Variants in MAML3 observed in about 807,000 individuals in gnomAD.
The protein encoded by MAML3 is mastermind-like protein 3.
Under a neutral mutation model 101.9 loss-of-function variants are expected in MAML3, and 27 were observed. The ratio of observed to expected loss-of-function variants is 0.27; its 90% CI spans 0.20 to 0.37. MAML3 has a LOEUF of 0.37. Among genes scored for constraint, MAML3 ranks in the 10% least tolerant of loss-of-function variants. MAML3 has a pLI of 1.00. For missense variants in MAML3, 1,316 were observed against 1,444.9 expected (o/e 0.91, Z 1.45); for synonymous variants, 501 against 555.9 (o/e 0.90, Z 1.39).
intron 2 of MAML3, among the ~76,000 whole-genome samples, chr4:139,804,907 G>A (rs1362399418): frequency 1.3e-5 from 2 of 152,230 alleles, no homozygotes; most frequent in East Asian, 3.9e-4. Flanking sequence ...TGCTGGGCGC[G>A]ATGGCTCACA....
Position 140,149,942 on chromosome 4 carries a change from T to C in MAML3, c.468+2918A>G, listed in dbSNP as rs938314134. Among the ~76,000 whole-genome samples, 25 of 145,278 alleles carry C rather than the reference T, an allele frequency of 1.7e-4. No individual in the cohort carries two copies. In the East Asian group the frequency reaches 4.1e-3, roughly 24 times the overall value. ...AACTTGTAGAGCATGTTTCTTTCTT[T>C]TTTTTTTTTTTTTTTGGTACACAGA... On this transcript the variant is annotated intron_variant, in intron 1 of 4. Coordinates refer to ENST00000509479, the MANE Select transcript of MAML3 (RefSeq NM_018717.5).
At chr4:139,811,773 C>A (rs1730800699) in intron 2 of MAML3, among the ~76,000 whole-genome samples, 1 of 152,118 alleles carries the variant, frequency 6.6e-6, no homozygotes. Flanking sequence ...TGACAAAAGA[C>A]AGAATTTTCT....
intron 1 of MAML3, among the ~76,000 whole-genome samples, chr4:140,113,990 G>C (rs1452418278): frequency 1.3e-5 from 2 of 152,124 alleles, no homozygotes; most frequent in East Asian, 3.9e-4. Context: ...ACCATTCACT[G>C]AACTCATTTT....
At chr4:140,069,613 G>C (rs1307572165) in intron 1 of MAML3, among the ~76,000 whole-genome samples, 1 of 144,022 alleles carries the variant, frequency 6.9e-6, no homozygotes, top group East Asian at 2.1e-4. Context: ...AGAAGAAGAA[G>C]AAGAAAAAGA....
chr4:139,949,206 G>A (rs995054543), intron 1 of MAML3, among the ~76,000 whole-genome samples: 8 of 152,048 alleles, frequency 5.3e-5, no homozygotes, highest in African/African-American at 1.4e-4. Flanking sequence ...TCCTAGAGAT[G>A]GGGTTTCACC....
intron 1 of MAML3, among the ~76,000 whole-genome samples, chr4:140,131,330 G>A (rs1728789756): frequency 6.6e-6 from 1 of 152,200 alleles, no homozygotes; most frequent in East Asian, 1.9e-4. Context: ...GAAGTGACTT[G>A]CTCAAGGTCA....
At chr4:139,908,596 T>C (rs965941864) in intron 1 of MAML3, among the ~76,000 whole-genome samples, 3 of 152,222 alleles carry the variant, frequency 2.0e-5, no homozygotes, top group Non-Finnish European at 4.4e-5. Flanking sequence ...GGATGTTTAT[T>C]TACTAACAGC....
At position 139,719,861 on chromosome 4, in the gene MAML3, G is replaced by A. The variant is rs749295587; in HGVS notation, c.2879C>T (p.Ala960Val). 4.2e-5 allele frequency: 67 copies of A among 1,613,738 alleles called. No homozygotes were observed. The highest frequency in any genetic ancestry group is 5.5e-5 in the Non-Finnish European group (65 of 1,179,908). The change falls in exon 5 of 5, where the codon GCA (alanine) becomes GTA (valine). Residue 960 changes from alanine to valine, a missense_variant. Physicochemically the swap from Ala to Val is moderately conservative, Grantham distance 64 (BLOSUM62 0). Coordinates refer to ENST00000509479, the MANE Select transcript of MAML3 (RefSeq NM_018717.5). ...QSLMGTVQQG[A>V]QSWQQRSLQG... ...CAAGCTCCTCTGTTGCCAGCTTTGT[G>A]CTCCTTGCTGGACTGTTCCCATAAG...
chr4:139,960,908 G>A (rs1366076236), intron 1 of MAML3, among the ~76,000 whole-genome samples: 1 of 152,190 alleles, frequency 6.6e-6, no homozygotes, highest in Non-Finnish European at 1.5e-5. Flanking sequence ...TTTTCCTCAA[G>A]TCTCTGTCAA....
chr4:139,737,693 C>A (rs1189842733), intron 2 of MAML3, among the ~76,000 whole-genome samples: 1 of 152,160 alleles, frequency 6.6e-6, no homozygotes, highest in African/African-American at 2.4e-5. Flanking sequence ...TAAAACCTTA[C>A]AATTCCCTTT....
intron 1 of MAML3, among the ~76,000 whole-genome samples, chr4:139,952,530 G>A (rs1285049391): frequency 6.6e-6 from 1 of 152,050 alleles, no homozygotes; most frequent in Non-Finnish European, 1.5e-5. Flanking sequence ...TGTGCCAAGA[G>A]GAAAACAAAA....
intron 2 of MAML3, among the ~76,000 whole-genome samples, chr4:139,837,249 C>A (rs1394052843): frequency 1.3e-5 from 2 of 152,096 alleles, no homozygotes; most frequent in Non-Finnish European, 2.9e-5. Flanking sequence ...GTAATCCCAG[C>A]ACTTTGGGAG....
At chr4:139,885,767 CAAA>C (rs372757658) in intron 2 of MAML3, among the ~76,000 whole-genome samples, 52 of 131,650 alleles carry the variant, frequency 3.9e-4, no homozygotes, top group Non-Finnish European at 4.3e-4. Flanking sequence ...ACTAAACATA[CAAA>C]AAAAAAAAAA....
intron 1 of MAML3, among the ~76,000 whole-genome samples, chr4:139,999,479 G>A (rs891849161): frequency 2.0e-5 from 3 of 152,164 alleles, no homozygotes; most frequent in South Asian, 2.1e-4. Context: ...ATGCTTCCCC[G>A]ATTGTCGTAT....
At chr4:139,726,976 G>T (rs1042330706) in intron 3 of MAML3, among the ~76,000 whole-genome samples, 1 of 152,192 alleles carries the variant, frequency 6.6e-6, no homozygotes, top group Admixed American at 6.5e-5. Context: ...TGCAGCTGCT[G>T]AATATTCATT....
chr4:139,996,856 C>T (rs752693118), intron 1 of MAML3, among the ~76,000 whole-genome samples: 2 of 151,870 alleles, frequency 1.3e-5, no homozygotes, highest in African/African-American at 4.8e-5. Flanking sequence ...GTCACAAAAT[C>T]GAGACCATCC....
At chr4:140,145,959 C>T (rs1729056924) in intron 1 of MAML3, among the ~76,000 whole-genome samples, 2 of 143,384 alleles carry the variant, frequency 1.4e-5, no homozygotes, top group Admixed American at 1.5e-4. Flanking sequence ...CTGCAACCTC[C>T]ACCTCCCAGG....
intron 1 of MAML3, among the ~76,000 whole-genome samples, chr4:139,928,130 C>G (rs1255583284): frequency 1.3e-5 from 2 of 152,186 alleles, no homozygotes; most frequent in Non-Finnish European, 2.9e-5. Context: ...TGATTCCAAT[C>G]CAACATCACA....
chr4:139,746,574 GGGCT>G (rs1222642082), intron 2 of MAML3, among the ~76,000 whole-genome samples: 1 of 152,070 alleles, frequency 6.6e-6, no homozygotes, highest in Non-Finnish European at 1.5e-5. Flanking sequence ...TCCCAGGGAG[GGGCT>G]GCAAATCTCC....
Sources: gnomAD v4.1 joint callset for allele counts (sites outside exome capture counted in the v4.1 genomes callset) on GRCh38, gnomAD v4.1.1 for gene constraint, MANE v1.5 for transcripts, NCBI Gene and HGNC (gene_info 2026-07-23, HGNC 2026-07-21) for gene names.